Variants in ITFG2 observed in about 807,000 individuals in gnomAD.
ITFG2 encodes KICSTOR complex protein ITFG2.
ITFG2 carries 36 observed loss-of-function variants against 54.4 expected under a neutral mutation model. That is an observed-to-expected ratio of 0.66 (90% CI 0.51 to 0.87). The LOEUF is 0.87. Among genes scored for constraint, ITFG2 ranks in the 40% least tolerant of loss-of-function variants. The probability of loss-of-function intolerance (pLI) is 0.00; values close to 1 mark genes in which losing one functional copy is unlikely to be tolerated. For synonymous variants in ITFG2, 211 were observed against 225.4 expected (o/e 0.94, Z 0.57); for missense variants, 524 against 576.7 (o/e 0.91, Z 0.94).
chr12:2,856,953 A>C, intron 2 of ITFG2: 1 of 702,960 alleles, frequency 1.4e-6, no homozygotes, highest in Non-Finnish European at 2.6e-6. Context: ...GCCACCCCCT[A>C]CCTGCAGGAA....
upstream of ITFG2, chr12:2,834,735 G>A (rs1467683932): frequency 1.9e-6 from 3 of 1,613,938 alleles, no homozygotes; most frequent in African/African-American, 1.3e-5. Flanking sequence ...GTTTGAGCCG[G>A]CGCTGCTGGC....
downstream of ITFG2, chr12:2,827,620 C>T: frequency 6.2e-7 from 1 of 1,614,162 alleles, no homozygotes; most frequent in Non-Finnish European, 8.5e-7. This position sits in a 1 kb window ranked among gnomAD's most constrained non-coding sequence, Gnocchi z 4.0. Context: ...GAGTGGGTGC[C>T]TTACCTTGAG....
intron 6 of ITFG2, 70 bp downstream of exon 6, chr12:2,820,942 G>A: frequency 6.5e-7 from 1 of 1,538,388 alleles, no homozygotes; most frequent in Non-Finnish European, 8.9e-7. Context: ...GATGCCACAT[G>A]GTAGTAAAAT....
At position 2,821,193 on chromosome 12, in the gene ITFG2, G is replaced by T. The variant is rs1603483091; in HGVS notation, c.696-69G>T. On this transcript the variant is annotated intron_variant, in intron 6 of 11. Transcript: ENST00000228799. Reference sequence around the variant, plus strand: ...ATCCCAGAAGCTCTTGCAGGGATAGGGGTTACAAAGGGCTGGAGAGCTCAG... The same window carrying T: ...ATCCCAGAAGCTCTTGCAGGGATAGTGGTTACAAAGGGCTGGAGAGCTCAG... The T allele has an allele frequency of 4.9e-5, 59 of 1,207,174 alleles. 4 individuals are homozygous for T. The South Asian group carries it at 7.6e-4, about 16-fold the overall frequency. 74.8% of individuals were successfully genotyped at this position (1,207,174 alleles called of 1,614,324 possible).
chr12:2,835,124 G>A, upstream of ITFG2: 1 of 1,434,818 alleles, frequency 7.0e-7, no homozygotes, highest in East Asian at 2.5e-5. Flanking sequence ...CCCCAACGCT[G>A]GGGTCCTGGT....
Position 2,821,695 on chromosome 12 carries a change from C to T in ITFG2, c.851C>T (p.Thr284Ile). ...CAGCCTGCCTCTCCCCCGGCAGGGA[C>T]ACTGAAGCTCATGGAAGAAATGGAA... is the stretch of plus-strand genomic sequence containing the variant. The part of the protein sequence containing the change: ...GLFALCTLDG[T>I]LKLMEEMEEA... The change falls in exon 9 of 12, where the codon ACA becomes ATA. Residue 284 changes from threonine (T) to isoleucine (I), a missense_variant. Coordinates refer to ENST00000228799, the MANE Select transcript of ITFG2 (RefSeq NM_018463.4). The T allele has an allele frequency of 6.2e-7, 1 of 1,614,100 alleles. No homozygotes were observed. Among genetic ancestry groups the T allele is most frequent in the Non-Finnish European group, 8.5e-7 (1 of 1,179,990 alleles).
chr12:2,836,611 C>T (rs1048837125), upstream of ITFG2: 2 of 152,218 alleles, frequency 1.3e-5, no homozygotes, highest in African/African-American at 4.8e-5. Flanking sequence ...TCCTTCACCC[C>T]CCAAATGTAC....
chr12:2,834,838 C>G, upstream of ITFG2: 1 of 1,613,696 alleles, frequency 6.2e-7, no homozygotes, highest in Non-Finnish European at 8.5e-7. Flanking sequence ...GCTCATGGCC[C>G]CTGCTGGAGG....
intron 2 of ITFG2, among the ~76,000 whole-genome samples, chr12:2,846,834 C>T (rs949170357): frequency 2.6e-5 from 4 of 151,806 alleles, no homozygotes; most frequent in African/African-American, 7.3e-5. Context: ...ACGGACATGG[C>T]GTTAGAAGGA....
At chr12:2,817,525 G>C in intron 2 of ITFG2, 1 of 572,202 alleles carries the variant, frequency 1.7e-6, no homozygotes, top group Non-Finnish European at 3.1e-6. Flanking sequence ...TGCGTGGGCT[G>C]GGGTGTTTTT....
chr12:2,835,100 T>C, upstream of ITFG2: 1 of 1,436,740 alleles, frequency 7.0e-7, no homozygotes, highest in Non-Finnish European at 9.1e-7. Flanking sequence ...CACAGCTGGC[T>C]GACTTGGCCG....
At chr12:2,853,349 T>G (rs1349923328) in intron 2 of ITFG2, among the ~76,000 whole-genome samples, 2 of 152,012 alleles carry the variant, frequency 1.3e-5, no homozygotes, top group African/African-American at 4.8e-5. Flanking sequence ...GTTGGCTCAC[T>G]GCAACCTCCA....
intron 1 of ITFG2, among the ~76,000 whole-genome samples, chr12:2,840,121 G>C (rs1313166423): frequency 6.6e-6 from 1 of 151,732 alleles, no homozygotes; most frequent in Non-Finnish European, 1.5e-5. Flanking sequence ...AAAAAAAAAG[G>C]GCAAGATCTA....
chr12:2,831,571 A>C (rs1318051755), downstream of ITFG2, among the ~76,000 whole-genome samples: 1 of 151,730 alleles, frequency 6.6e-6, no homozygotes, highest in African/African-American at 2.4e-5. Context: ...TTGACAGAGC[A>C]AGACTCTGTC....
At chr12:2,825,747 C>T (rs1349053365), downstream of ITFG2, 1 of 152,332 alleles carries the variant, frequency 6.6e-6, no homozygotes, top group Admixed American at 6.5e-5. Context: ...AGCTGTACCA[C>T]TGTCTTTCTC....
intron 1 of ITFG2, among the ~76,000 whole-genome samples, chr12:2,837,945 A>G (rs573807951): frequency 1.3e-5 from 2 of 152,340 alleles, no homozygotes; most frequent in South Asian, 2.1e-4. Flanking sequence ...CTGTGCCTAA[A>G]GGAGAATACT....
In ITFG2 at chr12:2,854,906, T is replaced by C. The variant is rs1473472736; in HGVS notation, n.301-3106T>C. 2.6e-6 allele frequency: 4 copies of C among 1,533,896 alleles called. No individual in the cohort carries two copies. The African/African-American group carries it at 4.1e-5, about 16-fold the overall frequency. On this transcript the variant is annotated intron_variant and non_coding_transcript_variant, in intron 2 of 3. Coordinates refer to the ITFG2 transcript ENST00000537710. Reference sequence around the variant, plus strand: ...GAGGCACCGTCTTACTTCTTGAAGCTCGCTGGCGGCTGGATGTTGCCCTGG... The same window carrying C: ...GAGGCACCGTCTTACTTCTTGAAGCCCGCTGGCGGCTGGATGTTGCCCTGG...
Position 2,824,184 on chromosome 12 carries a change from T to A in ITFG2, c.1335T>A (p.Asp445Glu). The A allele has an allele frequency of 6.2e-7, 1 of 1,614,094 alleles. No individual in the cohort carries two copies. Among genetic ancestry groups the A allele is most frequent in the African/African-American group, 1.3e-5 (1 of 75,036 alleles). The change falls in exon 12 of 12, where the codon GAT (aspartate) becomes GAA (glutamate). Residue 445 changes from aspartate (D) to glutamate (E), a missense_variant. Transcript: ENST00000228799. ...AGTGTGCTCCCTCAAGCCTCCAGGA[T>A]CCCACCTAGCTGTACTTGCCTCATA... is the stretch of plus-strand genomic sequence containing the variant. ...PPQCAPSSLQ[D>E]PT is the part of the protein sequence containing the mutation.
intron 2 of ITFG2, chr12:2,849,235 A>T (rs2098062167): frequency 6.5e-7 from 1 of 1,535,340 alleles, no homozygotes. Flanking sequence ...GCCCTTCTAG[A>T]AGTGTCCAGG....
Sources: allele counts gnomAD v4.1 joint callset (sites outside exome capture counted in the v4.1 genomes callset), GRCh38; gene constraint gnomAD v4.1.1; non-coding constraint Gnocchi (gnomAD v3.1); transcripts MANE v1.5; gene names NCBI Gene and HGNC (gene_info 2026-07-23, HGNC 2026-07-21).